SDK1: variants seen among roughly 807,000 people sequenced by gnomAD.
SDK1 encodes protein sidekick-1.
In SDK1, 157 loss-of-function variants were observed where a neutral mutation model predicts 245.5. The ratio of observed to expected loss-of-function variants is 0.64; its 90% CI spans 0.56 to 0.73. The LOEUF (loss-of-function observed/expected upper bound fraction) is 0.73, where lower values mean the gene tolerates loss of function less well. Ranked by LOEUF, SDK1 falls within the 30% of genes least tolerant of loss-of-function variation. SDK1 has a pLI of 0.00. For synonymous variants in SDK1, 1,647 were observed against 1,278.5 expected, an observed-to-expected ratio of 1.29 and a Z score of -6.15; for missense variants, 3,583 against 3,002.3, an observed-to-expected ratio of 1.19 and a Z score of -4.52.
chr7:3,309,796 C>T (rs1779507354), intron 1 of SDK1, among the ~76,000 whole-genome samples: 1 of 152,162 alleles, frequency 6.6e-6, no homozygotes, highest in East Asian at 1.9e-4. Context: ...ATTTGCCGGC[C>T]AAAGGTATTT....
At chr7:4,116,273 G>A (rs1043486476) in intron 25 of SDK1, among the ~76,000 whole-genome samples, 6 of 152,142 alleles carry the variant, frequency 3.9e-5, no homozygotes, top group South Asian at 2.1e-4. Context: ...CATCTTATCC[G>A]TGCCAGGTGC....
At chr7:3,390,664 T>C (rs1781728023) in intron 1 of SDK1, among the ~76,000 whole-genome samples, 2 of 152,124 alleles carry the variant, frequency 1.3e-5, no homozygotes, top group South Asian at 4.1e-4. Flanking sequence ...CATGTGCAGA[T>C]AGACGCAGAT....
intron 1 of SDK1, among the ~76,000 whole-genome samples, chr7:3,504,360 G>T (rs544724634): frequency 6.6e-6 from 1 of 151,804 alleles, no homozygotes; most frequent in Non-Finnish European, 1.5e-5. Flanking sequence ...TGGCCAAACA[G>T]TATTGAAAAA....
chr7:3,738,545 A>T (rs564062223), intron 4 of SDK1, among the ~76,000 whole-genome samples: 1 of 152,316 alleles, frequency 6.6e-6, no homozygotes, highest in South Asian at 2.1e-4. Context: ...TTTAAATTCC[A>T]TATGGCTTTT....
chr7:3,766,467 C>G (rs1451064048), intron 4 of SDK1, among the ~76,000 whole-genome samples: 1 of 152,138 alleles, frequency 6.6e-6, no homozygotes, highest in Admixed American at 6.6e-5. Context: ...TTGTATGCCT[C>G]AGTTTTCTTA....
At chr7:3,524,632 T>C (rs906053661) in intron 1 of SDK1, among the ~76,000 whole-genome samples, 1 of 152,128 alleles carries the variant, frequency 6.6e-6, no homozygotes, top group Admixed American at 6.6e-5. Flanking sequence ...AGTTGAGAAA[T>C]TGTGTTTTCA....
intron 1 of SDK1, among the ~76,000 whole-genome samples, chr7:3,318,405 C>G (rs967213618): frequency 3.9e-5 from 6 of 152,208 alleles, no homozygotes; most frequent in African/African-American, 1.2e-4. Flanking sequence ...TAATCTCTCT[C>G]TCACAAGGTT....
chr7:4,216,668 C>T (rs1031220373), intron 38 of SDK1, among the ~76,000 whole-genome samples: 1 of 152,196 alleles, frequency 6.6e-6, no homozygotes, highest in Non-Finnish European at 1.5e-5. Context: ...AAAAAGTAAA[C>T]AGTGATCTCA....
At chr7:4,230,226 G>A (rs191019087) in intron 40 of SDK1, among the ~76,000 whole-genome samples, 1 of 148,956 alleles carries the variant, frequency 6.7e-6, no homozygotes, top group Non-Finnish European at 1.5e-5. Context: ...TGGATGGATG[G>A]ACGAATGGAT....
chr7:3,763,937 C>G (rs141217402), intron 4 of SDK1, among the ~76,000 whole-genome samples: 1 of 152,128 alleles, frequency 6.6e-6, no homozygotes, highest in African/African-American at 2.4e-5. Context: ...CCACTGTTAC[C>G]TCAGACAGTT....
At chr7:3,756,830 A>G (rs923726876) in intron 4 of SDK1, among the ~76,000 whole-genome samples, 6 of 152,180 alleles carry the variant, frequency 3.9e-5, no homozygotes, top group African/African-American at 1.4e-4. Flanking sequence ...ATTTTGGGGA[A>G]GAATCCCACA....
intron 4 of SDK1, among the ~76,000 whole-genome samples, chr7:3,780,819 A>C (rs1583406929): frequency 6.6e-6 from 1 of 151,946 alleles, no homozygotes; most frequent in East Asian, 1.9e-4. Context: ...CAGCAGCACT[A>C]CTCAGCCAAA....
At chr7:3,608,333 T>C (rs1202231) in intron 1 of SDK1, among the ~76,000 whole-genome samples, 143,011 of 152,230 alleles carry the variant, frequency 0.94, 67,243 homozygotes, top group South Asian at 0.97. Context: ...GAGCTGGGAG[T>C]TGAACTGGCT....
chr7:3,928,208 A>C (rs1458401866), intron 5 of SDK1, among the ~76,000 whole-genome samples: 5 of 152,198 alleles, frequency 3.3e-5, no homozygotes, highest in Non-Finnish European at 7.3e-5. Context: ...TGTATCCAGA[A>C]CCATCAGGCC....
At chr7:3,649,692 G>A (rs978806023) in intron 4 of SDK1, among the ~76,000 whole-genome samples, 4 of 151,978 alleles carry the variant, frequency 2.6e-5, no homozygotes, top group Non-Finnish European at 5.9e-5. Context: ...TGTTATTATC[G>A]TGGCTTTCCT....
chr7:3,712,881 C>T (rs557585316), intron 4 of SDK1, among the ~76,000 whole-genome samples: 1 of 152,228 alleles, frequency 6.6e-6, no homozygotes, highest in African/African-American at 2.4e-5. Context: ...ATATAGACCC[C>T]TTGGACCTTC....
At position 4,175,782 on chromosome 7, in the gene SDK1, C is replaced by T. The variant is rs1255256298; in HGVS notation, c.4944C>T (p.Ser1648=). 1.2e-6 allele frequency: 2 copies of T among 1,613,818 alleles called. No homozygotes were observed. Among genetic ancestry groups the T allele is most frequent in the Non-Finnish European group, 1.7e-6 (2 of 1,179,950 alleles). The change falls in exon 34 of 45, where the codon AGC becomes AGT. Residue 1648 remains serine (S), a synonymous_variant. Coordinates refer to ENST00000404826, the MANE Select transcript of SDK1 (RefSeq NM_152744.4). ...CTTTGCTTACCCCAATAGCCCAAAGCAGCTTCAAGACGGTGAACAGCAGCT... is the reference window on the plus strand; with the variant it reads ...CTTTGCTTACCCCAATAGCCCAAAGTAGCTTCAAGACGGTGAACAGCAGCT... The part of the protein sequence containing the change: ...IALHAELTAQ[S]SFKTVNSSST...
chr7:3,978,223 T>G lies in SDK1; in HGVS notation c.1994+3678T>G, dbSNP rs910976303. Among the ~76,000 whole-genome samples the G allele has an allele frequency of 2.6e-5, 4 of 152,304 alleles. No individual in the cohort carries two copies. The East Asian group carries it at 7.7e-4, about 29-fold the overall frequency. On this transcript the variant is annotated intron_variant, in intron 13 of 44. Transcript: ENST00000404826. ...TCGTTGGTATCAAATAAATAAGCGTTAGCAGTTCATAAAGACTCTGTCAGC... is the reference window on the plus strand; with the variant it reads ...TCGTTGGTATCAAATAAATAAGCGTGAGCAGTTCATAAAGACTCTGTCAGC...
At chr7:3,723,731 TATAC>T (rs1778899719) in intron 4 of SDK1, among the ~76,000 whole-genome samples, 1 of 150,988 alleles carries the variant, frequency 6.6e-6, no homozygotes, top group African/African-American at 2.4e-5. Flanking sequence ...TACACGTACA[TATAC>T]ATATACACGT....
Sources: allele counts gnomAD v4.1 joint callset (sites outside exome capture counted in the v4.1 genomes callset), GRCh38; gene constraint gnomAD v4.1.1; transcripts MANE v1.5; gene names NCBI Gene and HGNC (gene_info 2026-07-23, HGNC 2026-07-21).